TENM4: variants seen among roughly 807,000 people sequenced by gnomAD.
TENM4 encodes the protein teneurin-4.
A neutral mutation model predicts 243.3 loss-of-function variants in TENM4; 82 were observed. The observed-to-expected ratio is 0.34, with a 90% CI of 0.28 to 0.40. TENM4 has a LOEUF of 0.40. TENM4 is among the 10% of genes least tolerant of loss of function. The pLI, the probability that TENM4 is intolerant of heterozygous loss-of-function variation, is 1.00. For missense variants in TENM4, 3,138 were observed against 3,673.3 expected (o/e 0.85, Z 3.77); for synonymous variants, 1,412 against 1,456.3 (o/e 0.97, Z 0.69).
intron 6 of TENM4, among the ~76,000 whole-genome samples, chr11:79,032,098 C>T (rs1431968760): frequency 2.0e-5 from 3 of 152,210 alleles, no homozygotes; most frequent in Non-Finnish European, 4.4e-5. Context: ...TTACTACCAT[C>T]AGTAAAGATT....
chr11:79,307,956 G>A (rs545773594), intron 1 of TENM4, among the ~76,000 whole-genome samples: 2 of 152,322 alleles, frequency 1.3e-5, no homozygotes, highest in African/African-American at 4.8e-5. Flanking sequence ...ACCCCATCCT[G>A]GGCTTCTCAG....
At chr11:79,204,974 A>G (rs1310817423) in intron 3 of TENM4, among the ~76,000 whole-genome samples, 1 of 152,216 alleles carries the variant, frequency 6.6e-6, no homozygotes, top group African/African-American at 2.4e-5. Flanking sequence ...TTGTTTGTGG[A>G]TACTGTACAT....
intron 6 of TENM4, among the ~76,000 whole-genome samples, chr11:78,963,410 G>A (rs1287790312): frequency 1.3e-5 from 2 of 152,194 alleles, no homozygotes; most frequent in African/African-American, 4.8e-5. Context: ...GCTAACATAA[G>A]CACAGACATA....
chr11:79,368,967 C>T (rs1280732272), intron 1 of TENM4, among the ~76,000 whole-genome samples: 1 of 152,094 alleles, frequency 6.6e-6, no homozygotes, highest in Non-Finnish European at 1.5e-5. Flanking sequence ...TTCCTGATTC[C>T]AGTAATGATG....
intron 6 of TENM4, among the ~76,000 whole-genome samples, chr11:78,934,296 G>A (rs1453329076): frequency 6.6e-6 from 1 of 152,150 alleles, no homozygotes; most frequent in Non-Finnish European, 1.5e-5. Context: ...TATCTTAAAA[G>A]GAAGAAAAGG....
At chr11:79,078,455 G>A (rs1179628867) in intron 4 of TENM4, among the ~76,000 whole-genome samples, 2 of 152,100 alleles carry the variant, frequency 1.3e-5, no homozygotes, top group Admixed American at 6.5e-5. Flanking sequence ...TGGGGAGGAT[G>A]GCTTGTGGTG....
intron 12 of TENM4, among the ~76,000 whole-genome samples, chr11:78,853,471 CTGA>C (rs1229252323): frequency 1.3e-5 from 2 of 152,284 alleles, no homozygotes; most frequent in East Asian, 3.9e-4. Context: ...GAACTGGGAG[CTGA>C]GGCCCTCTTC....
intron 2 of TENM4, among the ~76,000 whole-genome samples, chr11:79,247,106 T>TTA (rs1263665075): frequency 6.6e-6 from 1 of 150,496 alleles, no homozygotes; most frequent in Non-Finnish European, 1.5e-5. Flanking sequence ...ACAGGACAGA[T>TTA]GGAATTCAGT....
At chr11:79,122,608 T>C (rs1861765980) in intron 4 of TENM4, among the ~76,000 whole-genome samples, 1 of 152,074 alleles carries the variant, frequency 6.6e-6, no homozygotes. Context: ...TAAAGGGTGC[T>C]ACCAAAAAAC....
chr11:78,879,662 G>A (rs181981427), intron 9 of TENM4, among the ~76,000 whole-genome samples: 179 of 143,224 alleles, frequency 1.2e-3, no homozygotes, highest in Admixed American at 9.7e-3. Flanking sequence ...CCGCCACACC[G>A]TCTGGGAGGT....
intron 6 of TENM4, among the ~76,000 whole-genome samples, chr11:79,007,087 T>A (rs1858504554): frequency 6.6e-6 from 1 of 152,168 alleles, no homozygotes; most frequent in South Asian, 2.1e-4. Flanking sequence ...GTCACAAGCT[T>A]GCCAGCCTAC....
chr11:79,311,087 C>T (rs890738954), intron 1 of TENM4, among the ~76,000 whole-genome samples: 38 of 152,116 alleles, frequency 2.5e-4, no homozygotes, highest in African/African-American at 8.2e-4. Context: ...TGGGACAAGA[C>T]GGGTCTTGGC....
At chr11:78,886,376 C>T (rs1855550031) in intron 9 of TENM4, among the ~76,000 whole-genome samples, 1 of 152,194 alleles carries the variant, frequency 6.6e-6, no homozygotes, top group South Asian at 2.1e-4. Flanking sequence ...TTAGTCGTCA[C>T]AGCCTGTAAT....
chr11:78,970,102 GAA>G (rs1857510134), intron 6 of TENM4, among the ~76,000 whole-genome samples: 1 of 152,218 alleles, frequency 6.6e-6, no homozygotes, highest in African/African-American at 2.4e-5. Context: ...GAAGAAAACT[GAA>G]GTTTCCTTCT....
chr11:79,073,841 A>G (rs2137010683), intron 4 of TENM4, among the ~76,000 whole-genome samples: 1 of 152,344 alleles, frequency 6.6e-6, no homozygotes, highest in East Asian at 1.9e-4. Context: ...TTATCATCAG[A>G]AAAAACAAAC....
At chr11:79,358,312 A>G (rs1590906999) in intron 1 of TENM4, among the ~76,000 whole-genome samples, 1 of 152,350 alleles carries the variant, frequency 6.6e-6, no homozygotes, top group Non-Finnish European at 1.5e-5. Flanking sequence ...GTAAATGCCA[A>G]TATTACATCT....
At chr11:79,131,926 G>A (rs921137780) in intron 4 of TENM4, among the ~76,000 whole-genome samples, 1 of 152,082 alleles carries the variant, frequency 6.6e-6, no homozygotes, top group African/African-American at 2.4e-5. Context: ...AGCAACAGAA[G>A]TTAAAAGAGA....
chr11:78,994,287 G>C (rs1858118008), intron 6 of TENM4, among the ~76,000 whole-genome samples: 3 of 152,094 alleles, frequency 2.0e-5, no homozygotes, highest in African/African-American at 4.8e-5. Context: ...GATGTTCTTT[G>C]ACCAGCCACA....
intron 2 of TENM4, among the ~76,000 whole-genome samples, chr11:79,238,555 T>C (rs1440942195): frequency 6.6e-6 from 1 of 152,124 alleles, no homozygotes; most frequent in East Asian, 1.9e-4. Context: ...TCTCAGGCCT[T>C]AGGGTTTGGG....
Sources: gnomAD v4.1 joint callset for allele counts (sites outside exome capture counted in the v4.1 genomes callset) on GRCh38, gnomAD v4.1.1 for gene constraint, MANE v1.5 for transcripts, NCBI Gene and HGNC (gene_info 2026-07-23, HGNC 2026-07-21) for gene names.